CLCN4: variants seen among roughly 807,000 people sequenced by gnomAD.
CLCN4 encodes the protein H(+)/Cl(-) exchange transporter 4.
A neutral mutation model predicts 41.7 loss-of-function variants in CLCN4; 1 was observed. That is an observed-to-expected ratio of 0.02 (90% CI 0.01 to 0.11). The LOEUF (loss-of-function observed/expected upper bound fraction) is 0.11. Among genes scored for constraint, CLCN4 ranks in the 10% least tolerant of loss-of-function variants. The pLI is 1.00. For synonymous variants in CLCN4, 277 were observed against 285.8 expected (o/e 0.97, Z 0.31); for missense variants, 287 against 661.0 (o/e 0.43, Z 6.20).
intron 11 of CLCN4, among the ~76,000 whole-genome samples, chrX:10,217,767 A>G (rs1047191762): frequency 2.0e-5 from 2 of 98,423 alleles, no homozygotes; most frequent in African/African-American, 3.9e-5. Context: ...TTTTTTCACT[A>G]AGTCTTGCTC....
intron 12 of CLCN4, 65 bp downstream of exon 12, chrX:10,220,942 G>A: frequency 1.1e-6 from 1 of 951,815 alleles, no homozygotes; most frequent in Non-Finnish European, 1.5e-6. Flanking sequence ...CATGGTCTCA[G>A]CCCTGAAGAA....
intron 11 of CLCN4, among the ~76,000 whole-genome samples, chrX:10,215,284 T>C (rs1232292221): frequency 5.4e-5 from 6 of 112,090 alleles, no homozygotes; most frequent in African/African-American, 1.9e-4. Flanking sequence ...CTCTTCCCAG[T>C]GTTACATAGC....
intron 5 of CLCN4, among the ~76,000 whole-genome samples, chrX:10,197,502 G>A (rs926001129): frequency 1.8e-5 from 2 of 111,167 alleles, no homozygotes; most frequent in Non-Finnish European, 3.8e-5. Flanking sequence ...TTCATTGGCA[G>A]TGCGGGTGCT....
chrX:10,230,842 CATT>C (rs1925110277), intron 12 of CLCN4, among the ~76,000 whole-genome samples: 1 of 112,021 alleles, frequency 8.9e-6, no homozygotes, highest in Non-Finnish European at 1.9e-5. Flanking sequence ...AATATCAATA[CATT>C]ATTATTAACT....
intron 4 of CLCN4, among the ~76,000 whole-genome samples, chrX:10,190,266 G>C (rs769146619): frequency 1.8e-5 from 2 of 111,814 alleles, no homozygotes; most frequent in African/African-American, 3.3e-5. Flanking sequence ...AGGTGATTCG[G>C]TTGGTGCGAA....
chrX:10,204,408 C>T (rs868692067), intron 6 of CLCN4, among the ~76,000 whole-genome samples: 3 of 111,377 alleles, frequency 2.7e-5, no homozygotes, highest in Middle Eastern at 4.6e-3. Flanking sequence ...GAATGTTGAG[C>T]GTCTTCTTCA....
intron 8 of CLCN4, among the ~76,000 whole-genome samples, 183 bp from the exon 9 acceptor site, chrX:10,207,862 C>G (rs1924435722): frequency 8.9e-6 from 1 of 112,120 alleles, no homozygotes; most frequent in Non-Finnish European, 1.9e-5. Flanking sequence ...CATTCCACTT[C>G]TAGACATAGT....
At chrX:10,211,595 A>G (rs952232331) in intron 9 of CLCN4, among the ~76,000 whole-genome samples, 1 of 112,111 alleles carries the variant, frequency 8.9e-6, no homozygotes, top group Admixed American at 9.5e-5. Flanking sequence ...CAAGGATCCA[A>G]ACTTCACTTG....
intron 12 of CLCN4, among the ~76,000 whole-genome samples, chrX:10,221,574 C>T (rs994052107): frequency 3.6e-5 from 4 of 112,061 alleles, no homozygotes; most frequent in South Asian, 3.7e-4. Flanking sequence ...CACTTGAGCC[C>T]AGGCTTCCAA....
At chrX:10,195,852 A>G (rs889010698) in intron 5 of CLCN4, among the ~76,000 whole-genome samples, 3 of 112,448 alleles carry the variant, frequency 2.7e-5, no homozygotes, top group Admixed American at 1.9e-4. Flanking sequence ...ATAATATTCT[A>G]TTGTATGAAT....
chrX:10,164,690 C>T (rs1164438305), intron 2 of CLCN4, among the ~76,000 whole-genome samples: 1 of 111,428 alleles, frequency 9.0e-6, no homozygotes, highest in Non-Finnish European at 1.9e-5. Context: ...AGAAGCCTGG[C>T]GTGGGAGGGT....
intron 11 of CLCN4, among the ~76,000 whole-genome samples, chrX:10,214,641 A>G (rs1924659341): frequency 8.9e-6 from 1 of 112,613 alleles, no homozygotes; most frequent in Non-Finnish European, 1.9e-5. Flanking sequence ...TTGTGGGTAA[A>G]TGTGCAGACA....
intron 8 of CLCN4, 78 bp from the exon 9 acceptor site, chrX:10,207,967 T>G: frequency 1.1e-6 from 1 of 916,060 alleles, no homozygotes; most frequent in Non-Finnish European, 1.5e-6. Context: ...AGAGTGTGAC[T>G]TTCCTGCCAA....
intron 2 of CLCN4, among the ~76,000 whole-genome samples, chrX:10,176,617 C>T (rs182709063): frequency 1.8e-5 from 2 of 112,041 alleles, no homozygotes; most frequent in East Asian, 5.7e-4. Context: ...ACCCTGCCCA[C>T]GCTGGCAGGG....
rs1006744750 is a variant in CLCN4 at position 10,195,249 on chromosome X, A to G, written c.432+151A>G. 16 of 500,999 alleles carry G rather than the reference A, an allele frequency of 3.2e-5. 1 individual carries two copies. The South Asian group carries it at 5.4e-4, about 17-fold the overall frequency. 41.3% of individuals were successfully genotyped at this position (500,999 alleles called of 1,213,427 possible). On this transcript the variant is annotated intron_variant, in intron 5 of 12. Transcript: ENST00000380833. ...TAACACTAGATGACGGGCTTTTTCC[A>G]GCTCTAATGCTACCACTCAAACTTC...
intron 11 of CLCN4, 151 bp from the exon 12 acceptor site, chrX:10,220,510 T>C (rs1924830246): frequency 8.3e-6 from 4 of 480,389 alleles, no homozygotes; most frequent in Non-Finnish European, 3.7e-6. Context: ...ATTCCACAGA[T>C]GTTTGGCTAA....
intron 12 of CLCN4, among the ~76,000 whole-genome samples, chrX:10,225,918 G>A (rs1924978714): frequency 9.0e-6 from 1 of 111,288 alleles, no homozygotes; most frequent in African/African-American, 3.3e-5. Flanking sequence ...TCTTATTTTT[G>A]AGATCTCTAT....
chrX:10,219,104 A>G lies in CLCN4; in HGVS notation c.1976-1557A>G, dbSNP rs771559941. Among the ~76,000 whole-genome samples, 3 of 112,835 alleles carry G rather than the reference A, an allele frequency of 2.7e-5. No homozygotes were observed. The South Asian group carries it at 1.1e-3, about 41-fold the overall frequency. On this transcript the variant is annotated intron_variant, in intron 11 of 12. Coordinates refer to ENST00000380833, the MANE Select transcript of CLCN4 (RefSeq NM_001830.4). ...CTGTTAGAATCAGGGCTTCTAACCC[A>G]ATCAGTAGGTTCAAAGGAGATATAA...
chrX:10,177,378 T>C (rs1923561067), intron 2 of CLCN4, among the ~76,000 whole-genome samples: 1 of 112,326 alleles, frequency 8.9e-6, no homozygotes, highest in Non-Finnish European at 1.9e-5. Context: ...AATGAACAGA[T>C]AGTTACACTG....
Sources: allele counts gnomAD v4.1 joint callset (sites outside exome capture counted in the v4.1 genomes callset), GRCh38; gene constraint gnomAD v4.1.1; transcripts MANE v1.5; gene names NCBI Gene and HGNC (gene_info 2026-07-23, HGNC 2026-07-21).